The following CTNNA2 variants were observed in gnomAD, a reference collection of about 807,000 sequenced individuals.
CTNNA2 encodes catenin alpha-2.
A neutral mutation model predicts 101.0 loss-of-function variants in CTNNA2; 42 were observed. That is an observed-to-expected ratio of 0.42 (90% CI 0.32 to 0.54). The LOEUF (loss-of-function observed/expected upper bound fraction) is 0.54. CTNNA2 is among the 20% of genes least tolerant of loss of function. The pLI is 0.14. For missense variants in CTNNA2, 871 were observed against 1,223.1 expected (o/e 0.71, Z 4.29); for synonymous variants, 450 against 456.4 (o/e 0.99, Z 0.18).
chr2:80,459,027 C>G (rs1296393764), intron 9 of CTNNA2, among the ~76,000 whole-genome samples: 2 of 152,134 alleles, frequency 1.3e-5, no homozygotes, highest in Admixed American at 6.6e-5. Flanking sequence ...TACACAAATA[C>G]TCACCATTGT....
chr2:80,135,968 G>A (rs1702671702), intron 7 of CTNNA2, among the ~76,000 whole-genome samples: 1 of 152,204 alleles, frequency 6.6e-6, no homozygotes, highest in East Asian at 1.9e-4. Flanking sequence ...GTGGTATAGA[G>A]GAAGGAGGAT....
intron 9 of CTNNA2, among the ~76,000 whole-genome samples, chr2:80,508,780 G>A (rs888320776): frequency 4.6e-5 from 7 of 151,912 alleles, no homozygotes; most frequent in Admixed American, 4.6e-4. Context: ...CATGTTCCCT[G>A]AGGAATTCCC....
chr2:79,818,593 G>A (rs1279029354), intron 3 of CTNNA2, among the ~76,000 whole-genome samples: 1 of 151,818 alleles, frequency 6.6e-6, no homozygotes, highest in Admixed American at 6.6e-5. Context: ...GGGATTACAG[G>A]TGTGAGCCAC....
At chr2:79,265,634 G>A (rs1558591762) in intron 2 of CTNNA2, among the ~76,000 whole-genome samples, 1 of 152,096 alleles carries the variant, frequency 6.6e-6, no homozygotes, top group Non-Finnish European at 1.5e-5. Context: ...CAAAGCCAAG[G>A]GTTTGGCTGA....
At chr2:80,016,879 G>T (rs935934912) in intron 7 of CTNNA2, among the ~76,000 whole-genome samples, 1 of 152,104 alleles carries the variant, frequency 6.6e-6, no homozygotes, top group African/African-American at 2.4e-5. Context: ...CCTTAAAAAT[G>T]ATTTACACAG....
At chr2:79,825,462 AG>A (rs910141949) in intron 3 of CTNNA2, among the ~76,000 whole-genome samples, 6 of 151,506 alleles carry the variant, frequency 4.0e-5, no homozygotes, top group African/African-American at 1.5e-4. Context: ...GGAGGTTGCG[AG>A]GGGAAAAAAA....
rs1181192413 is a variant in CTNNA2, at chr2:80,419,341, A to T, written c.1138-108A>T. On this transcript the variant is annotated intron_variant, in intron 8 of 18. Coordinates refer to ENST00000402739, the MANE Select transcript of CTNNA2 (RefSeq NM_001282597.3). ...GGGAAAATTTTAAAAAGAAAATAGGAATATTATCTCCATGGGTAATGAGAG... is the reference window on the plus strand; with the variant it reads ...GGGAAAATTTTAAAAAGAAAATAGGTATATTATCTCCATGGGTAATGAGAG... The T allele has an allele frequency of 6.1e-6, 5 of 820,774 alleles. No homozygotes were observed. The East Asian group carries it at 1.3e-4, about 21-fold the overall frequency. 50.8% of individuals were successfully genotyped at this position (820,774 alleles called of 1,614,324 possible).
At chr2:79,550,243 A>T (rs1267101160) in intron 1 of CTNNA2, among the ~76,000 whole-genome samples, 3 of 152,196 alleles carry the variant, frequency 2.0e-5, no homozygotes, top group African/African-American at 7.2e-5. Flanking sequence ...TGGAGACGAA[A>T]TGATTCTTCA....
intron 7 of CTNNA2, among the ~76,000 whole-genome samples, chr2:80,162,085 A>G (rs1238283440): frequency 6.6e-6 from 1 of 152,166 alleles, no homozygotes; most frequent in African/African-American, 2.4e-5. Flanking sequence ...TAGACTGTCA[A>G]CCTGGATGTT....
At chr2:80,383,883 C>G (rs1176611170) in intron 7 of CTNNA2, among the ~76,000 whole-genome samples, 1 of 152,114 alleles carries the variant, frequency 6.6e-6, no homozygotes, top group Non-Finnish European at 1.5e-5. Flanking sequence ...TTTATTGCAG[C>G]ACTCTTCACA....
In CTNNA2 at chr2:80,145,393, C is replaced by T. The variant is rs77797434; in HGVS notation, c.1056+235596C>T. 4.7e-3 allele frequency among the ~76,000 whole-genome samples: 723 copies of T among 152,282 alleles called. 4 individuals carry two copies. Among genetic ancestry groups the T allele is most frequent in the African/African-American group, 0.016 (670 of 41,556 alleles). Reference sequence around the variant, plus strand: ...GCATGTTATGCTTGTTTCCCCTTCTCCCTTTGATTAGCTTTCTCCATGACC... The same window carrying T: ...GCATGTTATGCTTGTTTCCCCTTCTTCCTTTGATTAGCTTTCTCCATGACC... On this transcript the variant is annotated intron_variant, in intron 7 of 18. Transcript: ENST00000402739.
intron 3 of CTNNA2, among the ~76,000 whole-genome samples, chr2:79,359,159 A>G (rs1016996567): frequency 7.9e-5 from 12 of 152,172 alleles, no homozygotes; most frequent in Non-Finnish European, 1.6e-4. Context: ...GTGGAATAAT[A>G]AAGAGAACTA....
At chr2:80,589,095 A>G (rs568435123) in intron 14 of CTNNA2, among the ~76,000 whole-genome samples, 1 of 152,164 alleles carries the variant, frequency 6.6e-6, no homozygotes, top group Admixed American at 6.5e-5. Flanking sequence ...TGTATTTTTC[A>G]TATATGGGAG....
intron 4 of CTNNA2, among the ~76,000 whole-genome samples, chr2:79,470,367 C>G (rs1384347456): frequency 6.6e-6 from 1 of 152,134 alleles, no homozygotes; most frequent in Non-Finnish European, 1.5e-5. Flanking sequence ...AAAAGCTTTT[C>G]TCGATAAAAC....
chr2:79,682,056 T>G (rs1683597018), intron 2 of CTNNA2, among the ~76,000 whole-genome samples: 1 of 152,186 alleles, frequency 6.6e-6, no homozygotes, highest in Non-Finnish European at 1.5e-5. Flanking sequence ...CTGTTTCTTG[T>G]ATGAAACAAT....
intron 7 of CTNNA2, among the ~76,000 whole-genome samples, chr2:80,289,565 T>C (rs1315170337): frequency 6.6e-6 from 1 of 152,218 alleles, no homozygotes. Context: ...GTCACTCTAC[T>C]GTGGTGATGG....
At chr2:80,079,872 TAAAATAAAATAATAA>T (rs1485612476) in intron 7 of CTNNA2, among the ~76,000 whole-genome samples, 10 of 144,200 alleles carry the variant, frequency 6.9e-5, no homozygotes, top group African/African-American at 1.8e-4. Context: ...TAAAATAAAA[TAAAATAAAATAATAA>T]AATAAAATAA....
At chr2:79,597,830 T>C (rs868230557) in intron 1 of CTNNA2, among the ~76,000 whole-genome samples, 11 of 152,204 alleles carry the variant, frequency 7.2e-5, no homozygotes, top group African/African-American at 2.2e-4. Flanking sequence ...TCACTCTTGA[T>C]GGTGTGTATT....
intron 7 of CTNNA2, among the ~76,000 whole-genome samples, chr2:79,980,296 T>C (rs1453376843): frequency 6.6e-6 from 1 of 152,166 alleles, no homozygotes; most frequent in African/African-American, 2.4e-5. Context: ...CTTGCTCATA[T>C]GAGTAAATGC....
Sources: allele counts gnomAD v4.1 joint callset (sites outside exome capture counted in the v4.1 genomes callset), GRCh38; gene constraint gnomAD v4.1.1; transcripts MANE v1.5; gene names NCBI Gene and HGNC (gene_info 2026-07-23, HGNC 2026-07-21).